LINGO2: variants seen among roughly 807,000 people sequenced by gnomAD.
LINGO2 encodes leucine rich repeat and Ig domain containing 2, also known as leucine-rich repeat and immunoglobulin-like domain-containing nogo receptor-interacting protein 2.
LINGO2 carries 14 observed loss-of-function variants against 30.6 expected under a neutral mutation model. The ratio of observed to expected loss-of-function variants is 0.46; its 90% CI spans 0.30 to 0.72. LINGO2 has a LOEUF of 0.72. Ranked by LOEUF, LINGO2 falls within the 30% of genes least tolerant of loss-of-function variation. The pLI is 0.07. For synonymous variants in LINGO2, 317 were observed against 288.5 expected (o/e 1.10, Z -1.00); for missense variants, 729 against 751.7 (o/e 0.97, Z 0.35).
At chr9:28,149,590 C>G (rs1827929303) in intron 4 of LINGO2, among the ~76,000 whole-genome samples, 1 of 149,874 alleles carries the variant, frequency 6.7e-6, no homozygotes, top group Non-Finnish European at 1.5e-5. Context: ...GAGTCCGCCG[C>G]CCTGTCTGGG....
At chr9:28,749,937 T>G in the LINGO2 span, among the ~76,000 whole-genome samples, 1 of 152,088 alleles carries the variant, frequency 6.6e-6, no homozygotes, top group Non-Finnish European at 1.5e-5. Context: ...ATAATTAGTA[T>G]TGTACTTACA....
At chr9:28,667,029 T>A (rs571000704) in intron 1 of LINGO2, among the ~76,000 whole-genome samples, 2 of 152,280 alleles carry the variant, frequency 1.3e-5, no homozygotes, top group African/African-American at 2.4e-5. Context: ...TTTCTCCACA[T>A]AAAAGATCAT....
rs1483290099 is a variant in LINGO2 at position 28,561,213 on chromosome 9, C to T, written c.-364-85188G>A. ...GCCACACTCCTTATTTCCCAGGCTC[C>T]CTTTAGAATGCCCAACCACCCTATA... On this transcript the variant is annotated intron_variant, in intron 1 of 5. Transcript: ENST00000379992. Among the ~76,000 whole-genome samples the T allele has an allele frequency of 2.0e-5, 3 of 151,986 alleles. No individual in the cohort carries two copies. The East Asian group carries it at 5.8e-4, about 30-fold the overall frequency.
chr9:28,196,080 A>G (rs1013146635), intron 4 of LINGO2, among the ~76,000 whole-genome samples: 2 of 151,694 alleles, frequency 1.3e-5, no homozygotes, highest in African/African-American at 4.8e-5. Flanking sequence ...TGTGTGATAA[A>G]TATACAAATA....
At chr9:28,256,689 T>G (rs1477760360) in intron 4 of LINGO2, among the ~76,000 whole-genome samples, 1 of 151,884 alleles carries the variant, frequency 6.6e-6, no homozygotes, top group Admixed American at 6.6e-5. Context: ...AAGAACAAGC[T>G]TGACATGCTT....
At chr9:28,868,556 A>G in the LINGO2 span, among the ~76,000 whole-genome samples, 1 of 152,104 alleles carries the variant, frequency 6.6e-6, no homozygotes, top group South Asian at 2.1e-4. Flanking sequence ...CTGTCCACAT[A>G]ATAGTCCAGT....
At chr9:28,601,006 GT>G (rs561993282) in intron 1 of LINGO2, among the ~76,000 whole-genome samples, 215 of 151,996 alleles carry the variant, frequency 1.4e-3, no homozygotes, top group Admixed American at 6.4e-3. Context: ...AATAAACCAT[GT>G]TTTTTTTCTC....
chr9:28,334,383 A>G (rs949633782), intron 3 of LINGO2, among the ~76,000 whole-genome samples: 3 of 152,284 alleles, frequency 2.0e-5, no homozygotes, highest in East Asian at 1.9e-4. Flanking sequence ...CTATTTTTCA[A>G]TTGAAGCCTA....
At chr9:28,475,387 T>A (rs1484710446) in intron 2 of LINGO2, among the ~76,000 whole-genome samples, 1 of 152,160 alleles carries the variant, frequency 6.6e-6, no homozygotes, top group African/African-American at 2.4e-5. Context: ...ACAAAATAAC[T>A]GTCTCAGGGA....
At chr9:28,103,931 A>AGT (rs1826492207) in intron 4 of LINGO2, among the ~76,000 whole-genome samples, 1 of 152,302 alleles carries the variant, frequency 6.6e-6, no homozygotes, top group Non-Finnish European at 1.5e-5. Flanking sequence ...ATGTTGACTT[A>AGT]TACCAATCAT....
chr9:28,665,210 A>G (rs1588045369), intron 1 of LINGO2, among the ~76,000 whole-genome samples: 1 of 151,792 alleles, frequency 6.6e-6, no homozygotes, highest in South Asian at 2.1e-4. Context: ...ACAAAACCAT[A>G]AAATAAACAC....
the LINGO2 span, among the ~76,000 whole-genome samples, chr9:28,722,645 A>G: frequency 2.0e-5 from 3 of 152,162 alleles, no homozygotes; most frequent in Admixed American, 6.6e-5. Context: ...AGATTCTGAA[A>G]CAGGAATGCT....
At chr9:28,436,755 C>G (rs1823957605) in intron 2 of LINGO2, among the ~76,000 whole-genome samples, 1 of 152,146 alleles carries the variant, frequency 6.6e-6, no homozygotes, top group African/African-American at 2.4e-5. Context: ...CCGCGCCCGG[C>G]CAGGAAGAGT....
chr9:28,589,071 G>A (rs1221361330), intron 1 of LINGO2, among the ~76,000 whole-genome samples: 2 of 152,120 alleles, frequency 1.3e-5, no homozygotes, highest in African/African-American at 2.4e-5. Flanking sequence ...CTCAACAGAT[G>A]CAGAAAAGGC....
intron 1 of LINGO2, among the ~76,000 whole-genome samples, chr9:28,477,421 T>A (rs1160055071): frequency 2.0e-5 from 3 of 152,172 alleles, no homozygotes; most frequent in Non-Finnish European, 4.4e-5. Flanking sequence ...GGATTTGAAC[T>A]TTTTCAGAAC....
intron 4 of LINGO2, among the ~76,000 whole-genome samples, chr9:28,016,114 C>T (rs1010384279): frequency 5.9e-5 from 9 of 151,994 alleles, no homozygotes; most frequent in African/African-American, 9.7e-5. Flanking sequence ...GACCAATGAC[C>T]TGCATTTCCT....
chr9:29,207,999 A>C, the LINGO2 span, among the ~76,000 whole-genome samples: 73 of 152,200 alleles, frequency 4.8e-4, 1 homozygote, highest in African/African-American at 1.7e-3. Flanking sequence ...TATTAGCATT[A>C]AAGCCAATAA....
chr9:28,293,611 A>G (rs1823817396), intron 4 of LINGO2, among the ~76,000 whole-genome samples: 2 of 151,976 alleles, frequency 1.3e-5, no homozygotes, highest in African/African-American at 4.8e-5. Context: ...GATTGATGGT[A>G]TTGTCCAATT....
intron 4 of LINGO2, among the ~76,000 whole-genome samples, chr9:28,281,410 C>T (rs528757792): frequency 1.3e-5 from 2 of 151,968 alleles, no homozygotes; most frequent in South Asian, 4.2e-4. Context: ...TATTAAGACC[C>T]ACTTCCATTG....
Sources: allele counts gnomAD v4.1 joint callset (sites outside exome capture counted in the v4.1 genomes callset), GRCh38; gene constraint gnomAD v4.1.1; transcripts MANE v1.5; gene names NCBI Gene and HGNC (gene_info 2026-07-23, HGNC 2026-07-21).